The following GOSR1 variants were observed in gnomAD, a reference collection of about 807,000 sequenced individuals.
GOSR1 encodes the protein golgi SNAP receptor complex member 1, also known as 28 kDa Golgi SNARE protein.
In GOSR1, 21 loss-of-function variants were observed where a neutral mutation model predicts 35.5. The observed-to-expected ratio is 0.59, with a 90% CI of 0.42 to 0.85. The LOEUF is 0.85. GOSR1 is among the 40% of genes least tolerant of loss of function. GOSR1 has a pLI of 0.00. For synonymous variants in GOSR1, 94 were observed against 106.6 expected (o/e 0.88, Z 0.73); for missense variants, 285 against 309.6 (o/e 0.92, Z 0.60).
intron 4 of GOSR1, among the ~76,000 whole-genome samples, chr17:30,486,740 G>T (rs887661881): frequency 3.3e-5 from 5 of 152,002 alleles, no homozygotes; most frequent in Non-Finnish European, 5.9e-5. Context: ...AAAATACAAT[G>T]GAAGAAACTA....
intron 5 of GOSR1, among the ~76,000 whole-genome samples, chr17:30,491,688 G>C (rs1419026533): frequency 6.6e-6 from 1 of 151,952 alleles, no homozygotes; most frequent in Non-Finnish European, 1.5e-5. Flanking sequence ...AGACCAATGT[G>C]GTCCTGTAGG....
intron 3 of GOSR1, 45 bp downstream of exon 3, chr17:30,484,346 C>A: frequency 1.0e-6 from 1 of 1,004,350 alleles, no homozygotes; most frequent in Non-Finnish European, 1.6e-6. Flanking sequence ...TAACTGTATA[C>A]TTGTTACGTA....
chr17:30,521,167 CTTTTTTTTTTTTTTTTTTT>C (rs71360748), intron 8 of GOSR1, among the ~76,000 whole-genome samples: 7 of 64,208 alleles, frequency 1.1e-4, no homozygotes, highest in Non-Finnish European at 1.8e-4. Flanking sequence ...TTCTCTCTCT[CTTTTTTTTTTTTTTTTTTT>C]TTTTTTTTTT....
rs547309751 is a variant in GOSR1 at position 30,510,824 on chromosome 17, G to T, written c.510-56G>T. On this transcript the variant is annotated intron_variant, in intron 6 of 8. Coordinates refer to ENST00000451249, the MANE Select transcript of GOSR1 (RefSeq NM_001007025.2). ...TTATAGATGTAGAAAAATTAATACA[G>T]GTTTTACATGTGCATTTAGTAAATT... 17 of 919,854 alleles carry T rather than the reference G, an allele frequency of 1.8e-5. No individual in the cohort carries two copies. The East Asian group carries it at 2.0e-4, about 11-fold the overall frequency. The allele number at this position is 919,854 out of a possible 1,614,324, so 57.0% of individuals were successfully genotyped here.
At chr17:30,496,826 A>G (rs1967023974) in intron 6 of GOSR1, among the ~76,000 whole-genome samples, 2 of 152,258 alleles carry the variant, frequency 1.3e-5, no homozygotes, top group Admixed American at 6.5e-5. Context: ...GAAATTGTAT[A>G]GAACCATCTA....
chr17:30,516,199 G>A (rs1419167441), intron 7 of GOSR1, among the ~76,000 whole-genome samples: 3 of 152,124 alleles, frequency 2.0e-5, no homozygotes. Context: ...AGCCGGGCGC[G>A]GTGGCTCACG....
At chr17:30,492,125 A>C (rs1317632633) in intron 5 of GOSR1, among the ~76,000 whole-genome samples, 1 of 152,178 alleles carries the variant, frequency 6.6e-6, no homozygotes, top group Non-Finnish European at 1.5e-5. Context: ...AAAACAGAAA[A>C]ATTAAATTTT....
At chr17:30,498,731 TTA>T (rs1967091088) in intron 6 of GOSR1, among the ~76,000 whole-genome samples, 1 of 152,134 alleles carries the variant, frequency 6.6e-6, no homozygotes, top group African/African-American at 2.4e-5. Flanking sequence ...CTCTCCCAGG[TTA>T]TAGGTCTCAC....
chr17:30,515,779 G>A lies in GOSR1; in HGVS notation c.540-4160G>A, dbSNP rs981130612. ...TTTTTGTTTGTTTTAGTTTTACCCA[G>A]TTACATTTCTTTATTCTGAAATGTC... On this transcript the variant is annotated intron_variant, in intron 7 of 8. Transcript: ENST00000451249. 3.3e-5 allele frequency among the ~76,000 whole-genome samples: 5 copies of A among 152,216 alleles called. No individual in the cohort carries two copies. The South Asian group carries it at 1.0e-3, about 32-fold the overall frequency.
chr17:30,487,165 G>A (rs1007265065), intron 4 of GOSR1, among the ~76,000 whole-genome samples: 2 of 152,062 alleles, frequency 1.3e-5, no homozygotes, highest in African/African-American at 4.8e-5. Context: ...AATTATGTTT[G>A]GAAATTTTTA....
chr17:30,522,540 G>A lies in GOSR1; in HGVS notation c.*162G>A, dbSNP rs945160347. 8 of 469,696 alleles carry A rather than the reference G, an allele frequency of 1.7e-5. No homozygotes were observed. Among genetic ancestry groups the A allele is most frequent in the African/African-American group, 1.6e-4 (8 of 49,860 alleles). 29.1% of individuals were successfully genotyped at this position (469,696 alleles called of 1,614,324 possible). A position where few individuals can be genotyped will look rare whatever the true frequency, so the allele number is the denominator to read the frequency against. ...CTCTGTGACATGGTCAGGTTGAGCT[G>A]AAGCCACAGTTTCTCTGTGCTGTGT... On this transcript the variant is annotated 3_prime_UTR_variant, in exon 9 of 9. Coordinates refer to ENST00000451249, the MANE Select transcript of GOSR1 (RefSeq NM_001007025.2).
chr17:30,518,959 C>G (rs748767975), intron 7 of GOSR1, among the ~76,000 whole-genome samples: 10 of 151,780 alleles, frequency 6.6e-5, no homozygotes, highest in South Asian at 6.3e-4. Flanking sequence ...CCAACCCCCC[C>G]CAAAAAAAGG....
chr17:30,526,626 G>A lies in GOSR1; in HGVS notation c.*4248G>A, dbSNP rs144926598. The A allele has an allele frequency of 7.1e-3, 1,077 of 152,696 alleles. 11 individuals carry two copies. Among genetic ancestry groups the A allele is most frequent in the Middle Eastern group, 0.017 (5 of 294 alleles). The allele number at this position is 152,696 out of a possible 1,614,324, so 9.5% of individuals were successfully genotyped here. ...GGAAGATGTTTCCTCTTGAAAAAAT[G>A]CCAATACAGATTTTTAAAACCTATT... On this transcript the variant is annotated 3_prime_UTR_variant, in exon 9 of 9. Coordinates refer to ENST00000451249, the MANE Select transcript of GOSR1 (RefSeq NM_001007025.2).
chr17:30,516,477 A>AAAAAAAAGAAAAG (rs1245285520), intron 7 of GOSR1, among the ~76,000 whole-genome samples: 1 of 149,902 alleles, frequency 6.7e-6, no homozygotes, highest in African/African-American at 2.5e-5. Context: ...CTCAAACAAA[A>AAAAAAAAGAAAAG]AAAAAGAAAA....
At chr17:30,516,832 A>C (rs553815028) in intron 7 of GOSR1, among the ~76,000 whole-genome samples, 87 of 152,182 alleles carry the variant, frequency 5.7e-4, no homozygotes, top group African/African-American at 2.0e-3. Context: ...CTTCACCCTC[A>C]GCCTCCCAGT....
Position 30,516,109 on chromosome 17 carries a change from CTTGTATA to C in GOSR1, c.540-3820_540-3814del, listed in dbSNP as rs924466032. On this transcript the variant is annotated intron_variant, in intron 7 of 8. Transcript: ENST00000451249. ...GTTTTCATTTTTCTTTTATTAGACACTTGTATATTGTATATTATACAAGTACAGTGTT... is the reference window on the plus strand; with the variant it reads ...GTTTTCATTTTTCTTTTATTAGACACTTGTATATTATACAAGTACAGTGTT... 3.2e-3 allele frequency among the ~76,000 whole-genome samples: 492 copies of C among 151,876 alleles called. 2 individuals carry two copies. The highest frequency in any genetic ancestry group is 0.011 in the African/African-American group (467 of 41,380).
At chr17:30,482,432 C>T (rs1914418386) in intron 2 of GOSR1, among the ~76,000 whole-genome samples, 2 of 152,106 alleles carry the variant, frequency 1.3e-5, no homozygotes, top group African/African-American at 4.8e-5. Flanking sequence ...ATAAATGCTG[C>T]TGGGAACATT....
rs372395380 is a variant in GOSR1, at chr17:30,514,678, C to A, written c.539+3769C>A. On this transcript the variant is annotated intron_variant, in intron 7 of 8. Coordinates refer to ENST00000451249, the MANE Select transcript of GOSR1 (RefSeq NM_001007025.2). Reference sequence around the variant, plus strand: ...AGTTCTTGGAAATTATCTTAACGTTCTTTATCATTTTCTTCCCTCTTCTTT... The same window carrying A: ...AGTTCTTGGAAATTATCTTAACGTTATTTATCATTTTCTTCCCTCTTCTTT... Among the ~76,000 whole-genome samples, 17 of 152,286 alleles carry A rather than the reference C, an allele frequency of 1.1e-4. No individual in the cohort carries two copies. The East Asian group carries it at 3.1e-3, about 28-fold the overall frequency.
chr17:30,524,025 C>G lies in GOSR1; in HGVS notation c.*1647C>G, dbSNP rs1251738033. On this transcript the variant is annotated 3_prime_UTR_variant, in exon 9 of 9. Transcript: ENST00000451249. ...AACAGATGCTTGAAGGCAGCATGCTCCTTAAGAGTCATCACCACTCCCTAA... is the reference window on the plus strand; with the variant it reads ...AACAGATGCTTGAAGGCAGCATGCTGCTTAAGAGTCATCACCACTCCCTAA... 1.7e-5 allele frequency: 3 copies of G among 176,278 alleles called. No homozygotes were observed. Among genetic ancestry groups the G allele is most frequent in the African/African-American group, 4.9e-5 (2 of 41,224 alleles). 10.9% of individuals were successfully genotyped at this position (176,278 alleles called of 1,614,324 possible).
Sources: allele counts gnomAD v4.1 joint callset (sites outside exome capture counted in the v4.1 genomes callset), GRCh38; gene constraint gnomAD v4.1.1; transcripts MANE v1.5; gene names NCBI Gene and HGNC (gene_info 2026-07-23, HGNC 2026-07-21).